ALDH1A2: variants seen among roughly 807,000 people sequenced by gnomAD.
ALDH1A2 encodes the protein retinal dehydrogenase 2.
Under a neutral mutation model 60.3 loss-of-function variants are expected in ALDH1A2, and 27 were observed. That is an observed-to-expected ratio of 0.45 (90% CI 0.33 to 0.62). The LOEUF is 0.62. Ranked by LOEUF, ALDH1A2 falls within the 20% of genes least tolerant of loss-of-function variation. ALDH1A2 has a pLI of 0.02. For synonymous variants in ALDH1A2, 289 were observed against 232.4 expected (o/e 1.24, Z -2.21); for missense variants, 581 against 643.8 (o/e 0.90, Z 1.06).
At chr15:58,005,745 A>G (rs1895428436) in intron 4 of ALDH1A2, among the ~76,000 whole-genome samples, 1 of 151,932 alleles carries the variant, frequency 6.6e-6, no homozygotes, top group Non-Finnish European at 1.5e-5. Flanking sequence ...ATGGGTGACC[A>G]AACAGAACTG....
At position 58,044,005 on chromosome 15, in the gene ALDH1A2, T is replaced by C. The variant is rs182069129; in HGVS notation, c.117+21529A>G. ...ACCAAGGCCACATACCCCGGATTTGTGGCAGAATAAAGAACGAACCCCCCA... is the reference window on the plus strand; with the variant it reads ...ACCAAGGCCACATACCCCGGATTTGCGGCAGAATAAAGAACGAACCCCCCA... On this transcript the variant is annotated intron_variant, in intron 1 of 12. Transcript: ENST00000249750. Among the ~76,000 whole-genome samples the C allele has an allele frequency of 1.9e-4, 29 of 152,068 alleles. No homozygotes were observed. The East Asian group carries it at 5.4e-3, about 29-fold the overall frequency.
chr15:57,963,294 T>C (rs1311470946), intron 9 of ALDH1A2, among the ~76,000 whole-genome samples: 5 of 151,906 alleles, frequency 3.3e-5, no homozygotes, highest in Non-Finnish European at 7.4e-5. Flanking sequence ...GTCATACTCA[T>C]GGCTTTCTTT....
chr15:57,996,124 T>C (rs1895052929), intron 4 of ALDH1A2, among the ~76,000 whole-genome samples: 1 of 152,046 alleles, frequency 6.6e-6, no homozygotes, highest in Admixed American at 6.6e-5. Flanking sequence ...ATAACTATTA[T>C]AGGTGGAAAT....
intron 7 of ALDH1A2, among the ~76,000 whole-genome samples, chr15:57,974,432 CAAA>C (rs61170362): frequency 1.0e-5 from 1 of 96,722 alleles, no homozygotes; most frequent in Non-Finnish European, 1.9e-5. Flanking sequence ...GACTCCATCT[CAAA>C]AAAAAAAAAA....
intron 9 of ALDH1A2, among the ~76,000 whole-genome samples, chr15:57,963,065 A>G (rs559783110): frequency 1.3e-5 from 2 of 152,296 alleles, no homozygotes; most frequent in South Asian, 4.1e-4. Flanking sequence ...AGCAAAAGGG[A>G]AGTGAGCCAG....
chr15:58,012,978 A>G (rs1895677359), intron 3 of ALDH1A2, among the ~76,000 whole-genome samples: 1 of 152,234 alleles, frequency 6.6e-6, no homozygotes. Context: ...TCAGTTTCCA[A>G]AAAGTTTATA....
chr15:57,981,315 CACACACACACACAG>C lies in ALDH1A2; in HGVS notation c.798+11376_798+11389del, dbSNP rs1319962083. 1.4e-3 allele frequency among the ~76,000 whole-genome samples: 217 copies of C among 150,464 alleles called. 2 individuals are homozygous for C. The highest frequency in any genetic ancestry group is 5.2e-3 in the African/African-American group (208 of 40,052). ...ACACACACACACACACACACACACA[CACACACACACACAG>C]ACACACACAAACACTGACTGGTAGC... On this transcript the variant is annotated intron_variant, in intron 7 of 12. Transcript: ENST00000249750.
chr15:58,012,726 A>G (rs183239350), intron 3 of ALDH1A2, among the ~76,000 whole-genome samples: 1 of 152,328 alleles, frequency 6.6e-6, no homozygotes, highest in Admixed American at 6.5e-5. Flanking sequence ...TTTTGTTCCC[A>G]TACTATGAAC....
intron 1 of ALDH1A2, among the ~76,000 whole-genome samples, chr15:58,035,379 A>C (rs564704022): frequency 2.6e-5 from 4 of 151,518 alleles, no homozygotes; most frequent in African/African-American, 7.2e-5. Flanking sequence ...CAATTTTATT[A>C]ATTTTTTTCA....
At chr15:57,974,913 A>C (rs1346479943) in intron 7 of ALDH1A2, among the ~76,000 whole-genome samples, 1 of 152,268 alleles carries the variant, frequency 6.6e-6, no homozygotes, top group African/African-American at 2.4e-5. Flanking sequence ...CAAAGTGTGC[A>C]AAGATTTAAA....
intron 1 of ALDH1A2, among the ~76,000 whole-genome samples, chr15:58,064,650 T>C (rs1416076288): frequency 6.6e-6 from 1 of 152,160 alleles, no homozygotes; most frequent in Non-Finnish European, 1.5e-5. Flanking sequence ...CCAAGAAACG[T>C]GGTTTTCAAT....
intron 7 of ALDH1A2, among the ~76,000 whole-genome samples, chr15:57,981,329 G>C (rs367909469): frequency 0.038 from 3,790 of 99,052 alleles, 53 homozygotes; most frequent in African/African-American, 0.057. Context: ...CACACACACA[G>C]ACACACACAA....
intron 1 of ALDH1A2, among the ~76,000 whole-genome samples, chr15:58,035,886 T>C (rs1355972716): frequency 2.6e-5 from 4 of 151,718 alleles, no homozygotes; most frequent in African/African-American, 4.8e-5. Flanking sequence ...TTGCTGATGC[T>C]GGACATAGAT....
chr15:57,978,000 T>A (rs1459797289), intron 7 of ALDH1A2, among the ~76,000 whole-genome samples: 1 of 152,182 alleles, frequency 6.6e-6, no homozygotes, highest in African/African-American at 2.4e-5. Context: ...TGTTTGTCTA[T>A]TATTGGTGTA....
chr15:58,018,549 A>G (rs1421329261), intron 1 of ALDH1A2, among the ~76,000 whole-genome samples: 5 of 152,200 alleles, frequency 3.3e-5, no homozygotes, highest in African/African-American at 1.2e-4. Flanking sequence ...GTAGTTTCAA[A>G]ATATCTCCCC....
intron 7 of ALDH1A2, among the ~76,000 whole-genome samples, chr15:57,974,167 C>T (rs1894162616): frequency 6.6e-6 from 1 of 152,058 alleles, no homozygotes; most frequent in African/African-American, 2.4e-5. Context: ...TAGGGCCGGG[C>T]GCAGTGGCTC....
Position 57,955,261 on chromosome 15 carries a change from A to C in ALDH1A2, c.1493T>G (p.Phe498Cys). The C allele has an allele frequency of 1.2e-6, 2 of 1,613,984 alleles. No homozygotes were observed. The highest frequency in any genetic ancestry group is 8.5e-7 in the Non-Finnish European group (1 of 1,179,978). ...AACTTCTGAGTACTCCCGCAAGCCAAATTCTCCCCTGAAACACAGAAATGG... is the reference window on the plus strand; with the variant it reads ...AACTTCTGAGTACTCCCGCAAGCCACATTCTCCCCTGAAACACAGAAATGG... ...MSGNGREMGE[F>C]GLREYSEVKT... The change falls in exon 13 of 13, where the codon TTT becomes TGT. Residue 498 changes from phenylalanine to cysteine, a missense_variant. This residue lies in a region of ALDH1A2 where 375 missense variants were observed against 469.7 expected (regional missense o/e 0.80). Transcript: ENST00000249750.
intron 7 of ALDH1A2, among the ~76,000 whole-genome samples, chr15:57,985,150 G>C (rs1157125775): frequency 6.6e-6 from 1 of 152,114 alleles, no homozygotes; most frequent in Non-Finnish European, 1.5e-5. Flanking sequence ...TATTTCCAAT[G>C]CCTTGATGTG....
chr15:58,065,641 T>C lies in ALDH1A2; in HGVS notation c.10A>G (p.Ser4Gly). 1 of 1,596,334 alleles carries C rather than the reference T, an allele frequency of 6.3e-7. No homozygotes were observed. Among genetic ancestry groups the C allele is most frequent in the East Asian group, 2.2e-5 (1 of 44,468 alleles). The change falls in exon 1 of 13, where the codon AGC (serine) becomes GGC (glycine). Residue 4 changes from serine (S) to glycine (G), a missense_variant. Transcript: ENST00000249750. Reference sequence around the variant, plus strand: ...ACCTCGCCGGGCATCTCTATCTTGCTGGAAGTCATGGTGGCGGGCCGGGTG... The same window carrying C: ...ACCTCGCCGGGCATCTCTATCTTGCCGGAAGTCATGGTGGCGGGCCGGGTG... MTSSKIEMPGEVKA... is the reference protein window; with the variant it reads MTSGKIEMPGEVKA...
Sources: gnomAD v4.1 joint callset for allele counts (sites outside exome capture counted in the v4.1 genomes callset) on GRCh38, gnomAD v4.1.1 for gene constraint, gnomAD v4.1.1 regional missense constraint, MANE v1.5 for transcripts, NCBI Gene and HGNC (gene_info 2026-07-23, HGNC 2026-07-21) for gene names.